Variants in FCHO2 observed in about 807,000 individuals in gnomAD.
The protein encoded by FCHO2 is F-BAR domain only protein 2.
Under a neutral mutation model 114.1 loss-of-function variants are expected in FCHO2, and 43 were observed. That is an observed-to-expected ratio of 0.38 (90% confidence interval 0.30 to 0.49). FCHO2 has a LOEUF of 0.49. Among genes scored for constraint, FCHO2 ranks in the 20% least tolerant of loss-of-function variants. The pLI is 0.97. For missense variants in FCHO2, 807 were observed against 950.4 expected (o/e 0.85, Z 1.98); for synonymous variants, 293 against 315.2 (o/e 0.93, Z 0.75).
chr5:73,048,295 C>G (rs943484014), intron 11 of FCHO2, among the ~76,000 whole-genome samples: 1 of 151,804 alleles, frequency 6.6e-6, no homozygotes, highest in Non-Finnish European at 1.5e-5. Flanking sequence ...ATTAAAAATA[C>G]AAAAATTTTC....
intron 17 of FCHO2, among the ~76,000 whole-genome samples, chr5:73,063,545 C>T (rs990168165): frequency 6.6e-6 from 1 of 151,980 alleles, no homozygotes; most frequent in Admixed American, 6.6e-5. Flanking sequence ...GATTTGTTCT[C>T]ATCAGCTAAT....
At chr5:72,967,056 C>A (rs1422166161) in intron 1 of FCHO2, among the ~76,000 whole-genome samples, 1 of 152,206 alleles carries the variant, frequency 6.6e-6, no homozygotes, top group African/African-American at 2.4e-5. Context: ...GAAGCCAAGG[C>A]AGGTGTATCG....
At chr5:72,989,558 C>T (rs893851927) in intron 3 of FCHO2, 57 bp downstream of exon 3, 31 of 1,422,068 alleles carry the variant, frequency 2.2e-5, no homozygotes, top group Non-Finnish European at 3.0e-5. Context: ...CTTAAGGATT[C>T]TAGGTTCCTT....
chr5:73,051,437 A>G, intron 12 of FCHO2, 31 bp downstream of exon 12: 1 of 1,419,832 alleles, frequency 7.0e-7, no homozygotes, highest in South Asian at 1.3e-5. Context: ...ATTCTTAAGG[A>G]TTATGTTGGC....
At chr5:73,051,522 C>T in intron 12 of FCHO2, 116 bp downstream of exon 12, 6 of 629,096 alleles carry the variant, frequency 9.5e-6, no homozygotes, top group South Asian at 2.8e-5. Flanking sequence ...AAATATGGTT[C>T]CTTGTTTGTC....
At chr5:73,027,599 G>A (rs1756009228) in intron 8 of FCHO2, among the ~76,000 whole-genome samples, 1 of 151,520 alleles carries the variant, frequency 6.6e-6, no homozygotes, top group African/African-American at 2.4e-5. Context: ...GGCCAAAGCT[G>A]GAATTACTTG....
intron 8 of FCHO2, among the ~76,000 whole-genome samples, chr5:73,024,963 T>C (rs961530312): frequency 3.3e-5 from 5 of 152,142 alleles, no homozygotes; most frequent in Admixed American, 6.6e-5. Flanking sequence ...TAGAAAATAC[T>C]TACAGCTAGA....
chr5:73,052,363 T>C lies in FCHO2; in HGVS notation c.1029T>C (p.Ser343=). 6.2e-7 allele frequency: 1 copy of C among 1,609,106 alleles called. No individual in the cohort carries two copies. Among genetic ancestry groups the C allele is most frequent in the Non-Finnish European group, 8.5e-7 (1 of 1,177,494 alleles). Residue 343 remains serine, a synonymous_variant, in exon 13 of 26, where the codon AGT becomes AGC. Coordinates refer to ENST00000430046, the MANE Select transcript of FCHO2 (RefSeq NM_138782.3). The stretch of plus-strand genomic sequence containing the variant: ...AAGAGAACCATTTCTACTCATCTAG[T>C]GATTCTGACTCCGAAGATGAAGAAC... ...DTKENHFYSS[S]DSDSEDEEPK... is the part of the protein sequence containing the mutation.
At chr5:73,047,562 C>CT (rs200064211) in intron 11 of FCHO2, among the ~76,000 whole-genome samples, 1,541 of 142,242 alleles carry the variant, frequency 0.011, 14 homozygotes, top group African/African-American at 0.03. Context: ...AACTTTTTTC[C>CT]TTTTTTTTTT....
intron 8 of FCHO2, among the ~76,000 whole-genome samples, chr5:73,028,316 A>G (rs1756049437): frequency 6.6e-6 from 1 of 152,218 alleles, no homozygotes; most frequent in Non-Finnish European, 1.5e-5. Flanking sequence ...ATACCTTGGC[A>G]GCTTCTTAGA....
chr5:73,067,465 T>TG (rs1343238778), intron 18 of FCHO2, among the ~76,000 whole-genome samples: 1 of 152,196 alleles, frequency 6.6e-6, no homozygotes, highest in East Asian at 1.9e-4. Context: ...ATCAAAAAGC[T>TG]GTACTCTGGA....
intron 18 of FCHO2, among the ~76,000 whole-genome samples, chr5:73,066,594 T>TG (rs1491203514): frequency 8.3e-6 from 1 of 120,452 alleles, no homozygotes; most frequent in East Asian, 2.3e-4. Flanking sequence ...TTTTTTTTTT[T>TG]GCATGCTCAT....
intron 2 of FCHO2, among the ~76,000 whole-genome samples, chr5:72,986,433 C>G (rs1753525470): frequency 7.9e-5 from 12 of 152,136 alleles, no homozygotes. Context: ...AGCTCTGTTT[C>G]ACTTCTCAAC....
chr5:73,050,708 A>G lies in FCHO2; in HGVS notation c.940-641A>G, dbSNP rs541630682. On this transcript the variant is annotated intron_variant, in intron 11 of 25. Transcript: ENST00000430046. Reference sequence around the variant, plus strand: ...GCCGATTATATTGCCATACTGTATTATGTTTTACTTCTTTATATTATTTAA... The same window carrying G: ...GCCGATTATATTGCCATACTGTATTGTGTTTTACTTCTTTATATTATTTAA... 4.6e-5 allele frequency among the ~76,000 whole-genome samples: 7 copies of G among 152,156 alleles called. No individual in the cohort carries two copies. The East Asian group carries it at 1.4e-3, about 29-fold the overall frequency.
intron 16 of FCHO2, among the ~76,000 whole-genome samples, chr5:73,057,736 G>C (rs1757663320): frequency 6.6e-6 from 1 of 152,136 alleles, no homozygotes; most frequent in South Asian, 2.1e-4. Context: ...ATGTGAGCCT[G>C]TTTTAGAATC....
chr5:72,980,223 C>T (rs1410646458), intron 2 of FCHO2, among the ~76,000 whole-genome samples: 2 of 152,176 alleles, frequency 1.3e-5, no homozygotes, highest in Non-Finnish European at 2.9e-5. Flanking sequence ...CATTCAGGAG[C>T]AGGTTGTTCA....
At chr5:73,034,595 A>T (rs981094576) in intron 8 of FCHO2, 62 bp from the exon 9 acceptor site, 23 of 1,318,106 alleles carry the variant, frequency 1.7e-5, no homozygotes, top group Non-Finnish European at 2.3e-5. Context: ...GTAAAAAAAA[A>T]GTTTTAAAAT....
At chr5:72,982,218 G>A (rs865904569) in intron 2 of FCHO2, among the ~76,000 whole-genome samples, 1 of 152,080 alleles carries the variant, frequency 6.6e-6, no homozygotes, top group Admixed American at 6.5e-5. Context: ...TCCTGCTTCT[G>A]CTCGCTCTCT....
rs76581174 is a variant in FCHO2, at chr5:72,992,136, G to T, written c.495+1272G>T. On this transcript the variant is annotated intron_variant, in intron 5 of 25. Coordinates refer to ENST00000430046, the MANE Select transcript of FCHO2 (RefSeq NM_138782.3). ...GGGCAAAAAACTAGAAGAGAATGTG[G>T]AAAAATGAAAATAGGTGATTTAGAA... Among the ~76,000 whole-genome samples, 949 of 152,150 alleles carry T rather than the reference G, an allele frequency of 6.2e-3. 11 individuals carry two copies. The highest frequency in any genetic ancestry group is 0.022 in the African/African-American group (908 of 41,542).
Sources: gnomAD v4.1 joint callset for allele counts (sites outside exome capture counted in the v4.1 genomes callset) on GRCh38, gnomAD v4.1.1 for gene constraint, MANE v1.5 for transcripts, NCBI Gene and HGNC (gene_info 2026-07-23, HGNC 2026-07-21) for gene names.